The following TMSB15B variants were observed in gnomAD, a reference collection of about 807,000 sequenced individuals.
The protein encoded by TMSB15B is thymosin beta-15B.
At chrX:103,919,612 A>G (rs1228925239) in intron 1 of TMSB15B, 1 of 111,358 alleles carries the variant, frequency 9.0e-6, no homozygotes, top group Non-Finnish European at 1.9e-5. Context: ...CCAAGTCAAC[A>G]TATCTGACTT....
chrX:103,949,074 C>T (rs1464236081), intron 1 of TMSB15B, among the ~76,000 whole-genome samples: 4 of 110,533 alleles, frequency 3.6e-5, no homozygotes, highest in Non-Finnish European at 7.6e-5. Flanking sequence ...GGAAAAGAGC[C>T]CTCCTTCCTG....
At chrX:103,935,082 T>C (rs1435996295) in intron 1 of TMSB15B, among the ~76,000 whole-genome samples, 2 of 112,794 alleles carry the variant, frequency 1.8e-5, no homozygotes, top group Non-Finnish European at 3.7e-5. Context: ...TGCATTTCTC[T>C]AATGACCAAC....
intron 1 of TMSB15B, among the ~76,000 whole-genome samples, chrX:103,950,457 C>T (rs1369071091): frequency 9.1e-6 from 1 of 109,931 alleles, no homozygotes; most frequent in East Asian, 2.9e-4. Context: ...AGGTAGAAGG[C>T]CTAAGGGAAT....
At chrX:103,954,315 G>C (rs1208531648) in intron 1 of TMSB15B, among the ~76,000 whole-genome samples, 1 of 112,047 alleles carries the variant, frequency 8.9e-6, no homozygotes, top group Non-Finnish European at 1.9e-5. Flanking sequence ...TCCTTGGTCT[G>C]CTGTCCTCTC....
intron 1 of TMSB15B, among the ~76,000 whole-genome samples, chrX:103,945,178 CTT>C (rs1490180404): frequency 1.8e-5 from 2 of 112,869 alleles, no homozygotes; most frequent in African/African-American, 6.4e-5. Context: ...TTGTATACCT[CTT>C]TTTATTTCAC....
In TMSB15B at chrX:103,933,984, C is replaced by A. The variant is rs183780736; in HGVS notation, c.-721+14692C>A. 2.7e-5 allele frequency among the ~76,000 whole-genome samples: 3 copies of A among 111,413 alleles called. No homozygotes were observed. In the East Asian group the frequency reaches 8.4e-4, roughly 31 times the overall value. On this transcript the variant is annotated intron_variant, in intron 1 of 3. Coordinates refer to the TMSB15B transcript ENST00000419165. The stretch of plus-strand genomic sequence containing the variant: ...ATCCGTCAGCTCAAATTTATCATTT[C>A]TTTGTGTGGGAAACATTCCAAATCT...
chrX:103,940,093 C>A (rs1215482392), intron 1 of TMSB15B, among the ~76,000 whole-genome samples: 2 of 111,896 alleles, frequency 1.8e-5, no homozygotes, highest in Admixed American at 9.4e-5. Context: ...TGTCTGTCGA[C>A]CCCTGCTGGG....
At position 103,926,997 on chromosome X, in the gene TMSB15B, C is replaced by T. The variant is rs782565243; in HGVS notation, c.-721+7705C>T. 7.2e-5 allele frequency among the ~76,000 whole-genome samples: 8 copies of T among 110,995 alleles called. No individual in the cohort carries two copies. The South Asian group carries it at 2.4e-3, about 33-fold the overall frequency. On this transcript the variant is annotated intron_variant, in intron 1 of 3. Transcript: ENST00000419165. ...TTCCAGGGACCCCCTCTTTCCTCCC[C>T]GGCAAACTCCCTCAGATCTGCTCTG...
intron 1 of TMSB15B, among the ~76,000 whole-genome samples, chrX:103,949,272 G>A (rs1556327931): frequency 1.8e-5 from 2 of 111,918 alleles, no homozygotes; most frequent in African/African-American, 6.5e-5. Context: ...CGGTGTCTTT[G>A]CAGGATTTTG....
intron 1 of TMSB15B, among the ~76,000 whole-genome samples, chrX:103,953,124 C>T (rs1229523710): frequency 9.9e-5 from 11 of 111,378 alleles, no homozygotes; most frequent in Non-Finnish European, 7.5e-5. Flanking sequence ...ACAAAGCCAA[C>T]GGAAGCTCCC....
intron 1 of TMSB15B, among the ~76,000 whole-genome samples, chrX:103,950,362 G>A (rs1406677824): frequency 9.0e-6 from 1 of 111,013 alleles, no homozygotes; most frequent in African/African-American, 3.3e-5. Flanking sequence ...CTGGGGCAGA[G>A]TGAGTGAGGA....
At chrX:103,941,182 TC>T (rs1422201389) in intron 1 of TMSB15B, among the ~76,000 whole-genome samples, 1 of 112,077 alleles carries the variant, frequency 8.9e-6, no homozygotes, top group Non-Finnish European at 1.9e-5. Flanking sequence ...AGTCTCGCAT[TC>T]CTTTGTTATA....
intron 1 of TMSB15B, among the ~76,000 whole-genome samples, chrX:103,934,210 A>C (rs77187422): frequency 9.0e-6 from 1 of 111,071 alleles, no homozygotes; most frequent in Non-Finnish European, 1.9e-5. Flanking sequence ...CAACTTTTTT[A>C]GCTCTCCCAT....
chrX:103,951,952 C>T (rs1556328347), intron 1 of TMSB15B, among the ~76,000 whole-genome samples: 1 of 111,217 alleles, frequency 9.0e-6, no homozygotes, highest in Admixed American at 9.5e-5. Context: ...ATTACAGTGA[C>T]AAGAGCTAAG....
chrX:103,937,766 G>A (rs1167681907), intron 1 of TMSB15B, among the ~76,000 whole-genome samples: 11 of 111,485 alleles, frequency 9.9e-5, no homozygotes, highest in Non-Finnish European at 1.7e-4. Flanking sequence ...ATGTTAGGGT[G>A]TCGATTTTAG....
At chrX:103,953,546 G>C (rs1556328658) in intron 1 of TMSB15B, among the ~76,000 whole-genome samples, 1 of 112,758 alleles carries the variant, frequency 8.9e-6, no homozygotes, top group African/African-American at 3.2e-5. Flanking sequence ...AGCTCCAAGG[G>C]GGAGGGGCGG....
chrX:103,943,863 C>T (rs2075018577), intron 1 of TMSB15B, among the ~76,000 whole-genome samples: 1 of 112,076 alleles, frequency 8.9e-6, no homozygotes, highest in Admixed American at 9.4e-5. Flanking sequence ...TCTATGCAGG[C>T]TTCTTGGACT....
At chrX:103,925,495 T>C (rs1292883947) in intron 1 of TMSB15B, among the ~76,000 whole-genome samples, 1 of 112,578 alleles carries the variant, frequency 8.9e-6, no homozygotes, top group Non-Finnish European at 1.9e-5. Context: ...GTACAATTTC[T>C]CTATCAACTA....
chrX:103,953,627 G>A (rs1353251621), intron 1 of TMSB15B, among the ~76,000 whole-genome samples: 1 of 112,511 alleles, frequency 8.9e-6, no homozygotes, highest in African/African-American at 3.2e-5. Context: ...AAACCAACTC[G>A]GGGCAGAAGG....
Sources: gnomAD v4.1 joint callset for allele counts (sites outside exome capture counted in the v4.1 genomes callset) on GRCh38, gnomAD v4.1.1 for gene constraint, MANE v1.5 for transcripts, NCBI Gene and HGNC (gene_info 2026-07-23, HGNC 2026-07-21) for gene names.